The following POC5 variants were observed in gnomAD, a reference collection of about 807,000 sequenced individuals.
POC5 encodes POC5 centriolar protein.
POC5 carries 48 observed loss-of-function variants against 62.9 expected under a neutral mutation model. That is an observed-to-expected ratio of 0.76 (90% CI 0.61 to 0.97). The LOEUF is 0.97. Among genes scored for constraint, POC5 ranks in the 50% least tolerant of loss-of-function variants. The pLI is 0.00. For synonymous variants in POC5, 236 were observed against 228.2 expected, an observed-to-expected ratio of 1.03 and a Z score of -0.31; for missense variants, 696 against 679.5, an observed-to-expected ratio of 1.02 and a Z score of -0.27.
chr5:75,685,184 G>T, intron 10 of POC5, 23 bp downstream of exon 10: 1 of 1,575,824 alleles, frequency 6.3e-7, no homozygotes, highest in South Asian at 1.2e-5. Context: ...TCATAAGGTG[G>T]GACCTGTATA....
intron 11 of POC5, among the ~76,000 whole-genome samples, chr5:75,677,083 G>A (rs1205499191): frequency 2.0e-5 from 3 of 152,008 alleles, no homozygotes; most frequent in Non-Finnish European, 2.9e-5. Context: ...ATTTAATCTT[G>A]AATCCTAACA....
At chr5:75,712,797 T>C in intron 2 of POC5, 57 bp downstream of exon 2, 2 of 1,279,364 alleles carry the variant, frequency 1.6e-6, no homozygotes, top group Non-Finnish European at 2.2e-6. Flanking sequence ...AGTTTTCCCT[T>C]ACATTCATTT....
Position 75,685,459 on chromosome 5 carries a change from C to CT in POC5, c.1154dup (p.Glu386GlyfsTer110). On this transcript the variant is annotated frameshift_variant, in exon 10 of 12. Coordinates refer to ENST00000428202, the MANE Select transcript of POC5 (RefSeq NM_001099271.2). LOFTEE classifies it high-confidence loss of function. ...CTTGAACACCAGGACCATACTCTTC[C>CT]TTTTTATTATTTGTGGAGTCTATCC... 4 of 1,611,490 alleles carry CT rather than the reference C, an allele frequency of 2.5e-6. No homozygotes were observed. The highest frequency in any genetic ancestry group is 3.4e-6 in the Non-Finnish European group (4 of 1,177,858).
At chr5:75,697,045 T>C (rs926545791) in intron 5 of POC5, among the ~76,000 whole-genome samples, 1 of 152,030 alleles carries the variant, frequency 6.6e-6, no homozygotes, top group African/African-American at 2.4e-5. Context: ...CCAAGAAATA[T>C]GGGACTACGT....
intron 1 of POC5, among the ~76,000 whole-genome samples, chr5:75,716,383 T>G (rs952474099): frequency 0.014 from 699 of 50,200 alleles, no homozygotes; most frequent in South Asian, 0.021. Context: ...GTAACAGGGG[T>G]GGGGGGGGGG....
At chr5:75,687,246 C>T (rs767272380) in intron 9 of POC5, among the ~76,000 whole-genome samples, 4 of 151,952 alleles carry the variant, frequency 2.6e-5, no homozygotes, top group Non-Finnish European at 5.9e-5. Flanking sequence ...TAGCCAGGAT[C>T]GTCTCGATCT....
Position 75,689,064 on chromosome 5 carries a change from T to TAC in POC5, c.1075_1076dup (p.Cys360TyrfsTer4). The TAC allele has an allele frequency of 6.2e-7, 1 of 1,606,844 alleles. No homozygotes were observed. The highest frequency in any genetic ancestry group is 2.2e-5 in the East Asian group (1 of 44,690). On this transcript the variant is annotated frameshift_variant, in exon 9 of 12. Coordinates refer to ENST00000428202, the MANE Select transcript of POC5 (RefSeq NM_001099271.2). LOFTEE classifies it high-confidence loss of function. ...TCATGGCTTCAAGATTTAATGCACA[T>TAC]ACACCCCTCATGAAAGCTTTTTTCA...
At position 75,685,107 on chromosome 5, in the gene POC5, T is replaced by C; in HGVS notation, c.1407+100A>G. On this transcript the variant is annotated intron_variant, in intron 10 of 11. Transcript: ENST00000428202. ...TGGTCTCGATCTCCTGACCTCGTGA[T>C]CCACCTGCCTCGGCCTCCCAAAGTG... The C allele has an allele frequency of 7.1e-6, 9 of 1,259,958 alleles. No individual in the cohort carries two copies. In the South Asian group the frequency reaches 1.1e-4, roughly 16 times the overall value. The allele number at this position is 1,259,958 out of a possible 1,614,324, so 78.0% of individuals were successfully genotyped here.
In POC5 at chr5:75,677,798, CACA is replaced by C. The variant is rs767250204; in HGVS notation, c.1557_1559del (p.Val520del). 18 of 1,607,518 alleles carry C rather than the reference CACA, an allele frequency of 1.1e-5. No homozygotes were observed. In the South Asian group the frequency reaches 1.4e-4, roughly 13 times the overall value. ...CCACTGTGACTGGATGATGTTTTTC[CACA>C]ACAACTGAGCTCATGGGAGGAGAAA... is the stretch of plus-strand genomic sequence containing the variant. On this transcript the variant is annotated inframe_deletion, in exon 11 of 12. Transcript: ENST00000428202.
chr5:75,713,963 G>C (rs1389847783), intron 1 of POC5, among the ~76,000 whole-genome samples: 1 of 152,244 alleles, frequency 6.6e-6, no homozygotes, highest in African/African-American at 2.4e-5. Context: ...CCAGATCATG[G>C]AAGGTCAAAA....
intron 5 of POC5, 83 bp from the exon 6 acceptor site, chr5:75,694,914 A>G: frequency 2.0e-6 from 2 of 994,426 alleles, no homozygotes; most frequent in Non-Finnish European, 2.9e-6. Context: ...AGAAACATTA[A>G]AAAAATCAGA....
chr5:75,704,238 C>T (rs1437506536), intron 4 of POC5, among the ~76,000 whole-genome samples: 2 of 151,792 alleles, frequency 1.3e-5, no homozygotes, highest in African/African-American at 2.4e-5. Flanking sequence ...TCTGTCATCA[C>T]TTGTCACATA....
intron 8 of POC5, 28 bp from the exon 9 acceptor site, chr5:75,689,193 A>G: frequency 6.6e-7 from 1 of 1,508,366 alleles, no homozygotes. Flanking sequence ...AAAAAGCAAA[A>G]CAATTTGAGA....
intron 2 of POC5, 77 bp from the exon 3 acceptor site, chr5:75,707,952 G>T: frequency 7.7e-7 from 1 of 1,301,722 alleles, no homozygotes; most frequent in Non-Finnish European, 1.0e-6. Flanking sequence ...TTGTTTTAAA[G>T]AAATTTAATT....
At chr5:75,676,859 A>C (rs1223019756) in intron 11 of POC5, among the ~76,000 whole-genome samples, 1 of 151,616 alleles carries the variant, frequency 6.6e-6, no homozygotes, top group African/African-American at 2.4e-5. Context: ...TAAATAAATA[A>C]ATAAATAAAT....
chr5:75,676,645 C>T (rs1339210746), intron 11 of POC5, among the ~76,000 whole-genome samples: 2 of 152,006 alleles, frequency 1.3e-5, no homozygotes, highest in African/African-American at 4.8e-5. Flanking sequence ...TTATAGAGGG[C>T]ATTCTCTTTT....
chr5:75,697,262 G>A (rs887534981), intron 5 of POC5, among the ~76,000 whole-genome samples: 40 of 152,002 alleles, frequency 2.6e-4, no homozygotes, highest in African/African-American at 9.2e-4. Flanking sequence ...TGTCAGATTC[G>A]CCAAAGTTGA....
At chr5:75,678,637 T>C (rs547813338) in intron 10 of POC5, among the ~76,000 whole-genome samples, 3 of 152,226 alleles carry the variant, frequency 2.0e-5, no homozygotes, top group East Asian at 3.9e-4. Flanking sequence ...TACAGAGACC[T>C]GCTATAGTTC....
chr5:75,708,946 C>A (rs1271022838), intron 2 of POC5, among the ~76,000 whole-genome samples: 1 of 152,112 alleles, frequency 6.6e-6, no homozygotes, highest in Admixed American at 6.5e-5. Flanking sequence ...GATTCTCCTG[C>A]CTCAGCCTCC....
Sources: allele counts gnomAD v4.1 joint callset (sites outside exome capture counted in the v4.1 genomes callset), GRCh38; gene constraint gnomAD v4.1.1; transcripts MANE v1.5; gene names NCBI Gene and HGNC (gene_info 2026-07-23, HGNC 2026-07-21).